The following PDE4D variants were observed in gnomAD, a reference collection of about 807,000 sequenced individuals.
The protein encoded by PDE4D is 3',5'-cyclic-AMP phosphodiesterase 4D.
Under a neutral mutation model 87.4 loss-of-function variants are expected in PDE4D, and 24 were observed. The ratio of observed to expected loss-of-function variants is 0.27; its 90% confidence interval spans 0.20 to 0.39. The LOEUF is 0.39. PDE4D is among the 10% of genes least tolerant of loss of function. The probability of loss-of-function intolerance (pLI) is 1.00; values close to 1 mark genes in which losing one functional copy is unlikely to be tolerated. For synonymous variants in PDE4D, 384 were observed against 383.2 expected, an observed-to-expected ratio of 1.00 and a Z score of -0.02; for missense variants, 714 against 1,041.0, an observed-to-expected ratio of 0.69 and a Z score of 4.32.
chr5:59,743,823 A>T (rs1023531851), intron 1 of PDE4D, among the ~76,000 whole-genome samples: 3 of 152,106 alleles, frequency 2.0e-5, no homozygotes, highest in Admixed American at 1.3e-4. Flanking sequence ...TCATCACTCA[A>T]ATCATTACAC....
At chr5:59,413,718 CTG>C (rs1011207079) in intron 1 of PDE4D, among the ~76,000 whole-genome samples, 7 of 152,128 alleles carry the variant, frequency 4.6e-5, no homozygotes, top group Non-Finnish European at 7.3e-5. Flanking sequence ...TGTGTAAACA[CTG>C]TGAATTTTTT....
At chr5:59,529,303 A>C (rs1813723477) in intron 1 of PDE4D, 7 of 321,598 alleles carry the variant, frequency 2.2e-5, no homozygotes, top group Admixed American at 2.0e-4. Context: ...ATTGTCTATT[A>C]ATCATTAAAA....
At chr5:59,626,147 G>A (rs775920073) in intron 1 of PDE4D, among the ~76,000 whole-genome samples, 3 of 152,118 alleles carry the variant, frequency 2.0e-5, no homozygotes, top group Non-Finnish European at 2.9e-5. Flanking sequence ...TTTAGGGTCC[G>A]TTAACATTAA....
At chr5:59,512,239 G>A (rs931633440) in intron 1 of PDE4D, among the ~76,000 whole-genome samples, 1 of 152,168 alleles carries the variant, frequency 6.6e-6, no homozygotes, top group Non-Finnish European at 1.5e-5. Context: ...TTTGAATGCT[G>A]TGGCAACTTA....
At chr5:59,474,643 T>A (rs985971369) in intron 1 of PDE4D, among the ~76,000 whole-genome samples, 1 of 152,054 alleles carries the variant, frequency 6.6e-6, no homozygotes, top group South Asian at 2.1e-4. Context: ...TTTACTACAA[T>A]AAGTAGAGCC....
At chr5:59,915,794 T>C (rs181196313) in intron 3 of PDE4D, among the ~76,000 whole-genome samples, 12 of 152,348 alleles carry the variant, frequency 7.9e-5, no homozygotes, top group Admixed American at 3.9e-4. Context: ...GTAATTTTCA[T>C]TTATTTAGAA....
At chr5:59,528,126 T>C (rs777278650) in intron 1 of PDE4D, among the ~76,000 whole-genome samples, 1 of 152,122 alleles carries the variant, frequency 6.6e-6, no homozygotes, top group African/African-American at 2.4e-5. Flanking sequence ...TGTAATCTAA[T>C]AGGGGCACTG....
intron 1 of PDE4D, among the ~76,000 whole-genome samples, chr5:59,449,602 A>C (rs1250475604): frequency 1.3e-5 from 2 of 152,172 alleles, no homozygotes; most frequent in African/African-American, 4.8e-5. Flanking sequence ...CCTTCATAGG[A>C]CAGAGAAATG....
At chr5:60,502,832 G>A (rs1452614734) in intron 1 of PDE4D, among the ~76,000 whole-genome samples, 1 of 152,050 alleles carries the variant, frequency 6.6e-6, no homozygotes, top group African/African-American at 2.4e-5. Context: ...TTTTCTATCT[G>A]TATTTTTTTC....
chr5:60,335,267 T>A (rs1757652201), intron 1 of PDE4D: 1 of 152,268 alleles, frequency 6.6e-6, no homozygotes, highest in East Asian at 1.9e-4. Flanking sequence ...AGACTGTGTA[T>A]TTCAGAAGAG....
intron 1 of PDE4D, among the ~76,000 whole-genome samples, chr5:59,517,525 G>C (rs1227496711): frequency 6.6e-6 from 1 of 152,136 alleles, no homozygotes; most frequent in Admixed American, 6.5e-5. Context: ...AGCATTCAAA[G>C]GTAGTGTTTA....
At chr5:59,289,642 C>A (rs954895626) in intron 1 of PDE4D, among the ~76,000 whole-genome samples, 1 of 151,954 alleles carries the variant, frequency 6.6e-6, no homozygotes, top group Non-Finnish European at 1.5e-5. Context: ...TAAGGATGCC[C>A]ACTTTCACCA....
intron 1 of PDE4D, among the ~76,000 whole-genome samples, chr5:59,771,499 G>GAAGAAAGAAAGAAAGA (rs779235734): frequency 0.034 from 657 of 19,586 alleles, 62 homozygotes; most frequent in East Asian, 0.11. Flanking sequence ...GAGAGAGAGA[G>GAAGAAAGAAAGAAAGA]AAGAAAGAAA....
intron 1 of PDE4D, among the ~76,000 whole-genome samples, chr5:59,519,492 T>C (rs1811802216): frequency 6.6e-6 from 1 of 152,166 alleles, no homozygotes; most frequent in Admixed American, 6.5e-5. Flanking sequence ...GCAAAGGCTG[T>C]GATGCAGAAC....
At chr5:60,186,613 A>C (rs1202653834) in intron 1 of PDE4D, among the ~76,000 whole-genome samples, 1 of 152,248 alleles carries the variant, frequency 6.6e-6, no homozygotes, top group Non-Finnish European at 1.5e-5. Context: ...CTGATATTGC[A>C]GGTTTAGGCT....
intron 1 of PDE4D, among the ~76,000 whole-genome samples, chr5:60,332,348 G>A (rs1019583641): frequency 9.9e-5 from 15 of 151,948 alleles, no homozygotes; most frequent in African/African-American, 3.1e-4. Context: ...CTCTGTTTTC[G>A]GAGTCCCCAG....
intron 2 of PDE4D, among the ~76,000 whole-genome samples, chr5:59,205,901 T>C (rs1279131583): frequency 2.6e-5 from 4 of 152,210 alleles, no homozygotes; most frequent in Non-Finnish European, 4.4e-5. Context: ...CAACATCATT[T>C]ACTGAACTGG....
intron 1 of PDE4D, among the ~76,000 whole-genome samples, chr5:60,346,721 A>G (rs984388457): frequency 2.0e-5 from 3 of 152,172 alleles, no homozygotes; most frequent in Admixed American, 1.3e-4. Context: ...ATATCTATAA[A>G]ATAGAGTCTG....
chr5:59,267,505 CATTT>C (rs889412289), intron 1 of PDE4D, among the ~76,000 whole-genome samples: 1 of 152,006 alleles, frequency 6.6e-6, no homozygotes, highest in African/African-American at 2.4e-5. Context: ...TTTAATGAAA[CATTT>C]ATTTTAACAA....
Sources: gnomAD v4.1 joint callset for allele counts (sites outside exome capture counted in the v4.1 genomes callset) on GRCh38, gnomAD v4.1.1 for gene constraint, MANE v1.5 for transcripts, NCBI Gene and HGNC (gene_info 2026-07-23, HGNC 2026-07-21) for gene names.